The following GALC variants were observed in gnomAD, a reference collection of about 807,000 sequenced individuals.
GALC encodes galactocerebrosidase.
GALC carries 77 observed loss-of-function variants against 91.8 expected under a neutral mutation model. The ratio of observed to expected loss-of-function variants is 0.84; its 90% CI spans 0.70 to 1.01. GALC has a LOEUF of 1.01. Among genes scored for constraint, GALC ranks in the 50% least tolerant of loss-of-function variants. The pLI is 0.00. For synonymous variants in GALC, 357 were observed against 306.7 expected (o/e 1.16, Z -1.71); for missense variants, 882 against 855.9 (o/e 1.03, Z -0.38).
At chr14:87,935,732 C>T (rs1296691697) in intron 16 of GALC, among the ~76,000 whole-genome samples, 2 of 152,046 alleles carry the variant, frequency 1.3e-5, no homozygotes, top group Non-Finnish European at 2.9e-5. Context: ...GAGCTCAAAA[C>T]TCAAAGCACT....
intron 10 of GALC, among the ~76,000 whole-genome samples, chr14:87,960,236 T>C (rs992593235): frequency 6.7e-6 from 1 of 148,980 alleles, no homozygotes; most frequent in Non-Finnish European, 1.5e-5. Context: ...AGTAGAACAG[T>C]GGTTACCAGA....
At chr14:87,993,525 G>T, upstream of GALC, 1 of 1,501,808 alleles carries the variant, frequency 6.7e-7, no homozygotes, top group Non-Finnish European at 9.0e-7. Context: ...CCTCGTGCGA[G>T]GACCAGGCTT....
chr14:87,953,792 CTG>C, intron 10 of GALC: 1 of 1,606,064 alleles, frequency 6.2e-7, no homozygotes, highest in Non-Finnish European at 8.5e-7. Context: ...TAATAAAAAA[CTG>C]TGATTCTAAA....
chr14:87,984,709 G>T lies in GALC; in HGVS notation c.443-176C>A, dbSNP rs546923991. ...TTATTGAAATCCTTTCCAATCTATA[G>T]ACACTATAATTCCTTATTGATCCCT... On this transcript the variant is annotated intron_variant, in intron 4 of 16. Transcript: ENST00000261304. Among the ~76,000 whole-genome samples, 38 of 152,198 alleles carry T rather than the reference G, an allele frequency of 2.5e-4. No homozygotes were observed. In the South Asian group the frequency reaches 7.7e-3, roughly 31 times the overall value.
intron 15 of GALC, 83 bp from the exon 16 acceptor site, chr14:87,940,064 T>G: frequency 4.8e-6 from 5 of 1,043,912 alleles, no homozygotes; most frequent in South Asian, 1.3e-5. Flanking sequence ...GGTTCTTGAG[T>G]GGCATCTGTA....
chr14:87,965,618 C>T lies in GALC; in HGVS notation c.920G>A (p.Trp307Ter). The T allele has an allele frequency of 6.2e-7, 1 of 1,613,244 alleles. No individual in the cohort carries two copies. Among genetic ancestry groups the T allele is most frequent in the Non-Finnish European group, 8.5e-7 (1 of 1,179,502 alleles). The change falls in exon 9 of 17, where the codon TGG (tryptophan) becomes TAG (stop). Residue 307 changes from tryptophan (W) to a stop codon, truncating the protein, a stop_gained. Coordinates refer to ENST00000261304, the MANE Select transcript of GALC (RefSeq NM_000153.4). LOFTEE classifies it high-confidence loss of function. ...INGYMTSTIAWNLVASYYEQL... is the reference protein window; with the variant it reads ...INGYMTSTIA The stretch of plus-strand genomic sequence containing the variant: ...TTCATAGTAACTAGCCACTAAATTC[C>T]ATGCGATTGTGCTAAAAGATTTGAT...
intron 7 of GALC, among the ~76,000 whole-genome samples, chr14:87,974,900 A>C (rs1886433448): frequency 6.6e-6 from 1 of 152,104 alleles, no homozygotes; most frequent in African/African-American, 2.4e-5. Context: ...TAAAAAATGA[A>C]GTACATATCC....
At chr14:87,954,469 A>G (rs1180475127) in intron 10 of GALC, 3 of 1,584,098 alleles carry the variant, frequency 1.9e-6, no homozygotes, top group African/African-American at 2.7e-5. Flanking sequence ...GGGAATTTAA[A>G]TATCTTTTTG....
At chr14:87,951,932 C>G (rs918929997) in intron 10 of GALC, among the ~76,000 whole-genome samples, 53 of 151,732 alleles carry the variant, frequency 3.5e-4, no homozygotes, top group African/African-American at 1.3e-3. Flanking sequence ...AAAATAGGAG[C>G]AAATTTTAAA....
At chr14:87,936,385 A>G (rs1436098755) in intron 16 of GALC, among the ~76,000 whole-genome samples, 1 of 151,970 alleles carries the variant, frequency 6.6e-6, no homozygotes, top group Non-Finnish European at 1.5e-5. Flanking sequence ...AATAAATAAA[A>G]TCTTACTGAA....
At position 87,936,920 on chromosome 14, in the gene GALC, A is replaced by T. The variant is rs1320373124; in HGVS notation, c.1912-2042T>A. ...ACTATATATATATATATATTTATTTATTTTCTCATTGAATCTTCATAAGAA... is the reference window on the plus strand; with the variant it reads ...ACTATATATATATATATATTTATTTTTTTTCTCATTGAATCTTCATAAGAA... On this transcript the variant is annotated intron_variant, in intron 16 of 16. Transcript: ENST00000261304. Among the ~76,000 whole-genome samples, 343 of 141,300 alleles carry T rather than the reference A, an allele frequency of 2.4e-3. 5 individuals carry two copies. The highest frequency in any genetic ancestry group is 8.8e-3 in the African/African-American group (324 of 37,000). 92.7% of individuals were successfully genotyped at this position (141,300 alleles called of 152,430 possible). A position where few individuals can be genotyped will look rare whatever the true frequency, so the allele number is the denominator to read the frequency against.
intron 10 of GALC, among the ~76,000 whole-genome samples, chr14:87,951,056 T>C (rs997692673): frequency 2.0e-5 from 3 of 151,826 alleles, no homozygotes; most frequent in Non-Finnish European, 2.9e-5. Context: ...CCAACTAAAA[T>C]ACATCAAATA....
intron 1 of GALC, among the ~76,000 whole-genome samples, chr14:87,988,903 A>G (rs1490271486): frequency 6.6e-6 from 1 of 152,208 alleles, no homozygotes; most frequent in Non-Finnish European, 1.5e-5. Context: ...TCTTCCGGAA[A>G]AACATCACAA....
At position 87,934,299 on chromosome 14, in the gene GALC, T is replaced by A; in HGVS notation, c.*433A>T. 1 of 1,290,418 alleles carries A rather than the reference T, an allele frequency of 7.7e-7. No individual in the cohort carries two copies. The highest frequency in any genetic ancestry group is 1.8e-5 in the South Asian group (1 of 55,886). The allele number at this position is 1,290,418 out of a possible 1,614,324, so 79.9% of individuals were successfully genotyped here. A position where few individuals can be genotyped will look rare whatever the true frequency, so the allele number is the denominator to read the frequency against. On this transcript the variant is annotated 3_prime_UTR_variant, in exon 17 of 17. Transcript: ENST00000261304. ...TCTTCAGCTTTCTATTATGGCAGCA[T>A]CATCTTGTGATGAAGACACTGGCTC...
intron 6 of GALC, among the ~76,000 whole-genome samples, chr14:87,978,409 G>A (rs1406760009): frequency 4.6e-5 from 7 of 152,266 alleles, no homozygotes; most frequent in East Asian, 1.9e-4. Flanking sequence ...TTTCACTACG[G>A]ATGGATCTAG....
chr14:87,965,591 T>C lies in GALC; in HGVS notation c.947A>G (p.Gln316Arg). 1.2e-6 allele frequency: 2 copies of C among 1,613,510 alleles called. No homozygotes were observed. Among genetic ancestry groups the C allele is most frequent in the East Asian group, 2.2e-5 (1 of 44,870 alleles). ...CAACCCGCATCTCCCATAAGGCAAC[T>C]GTTCATAGTAACTAGCCACTAAATT... ...AWNLVASYYE[Q>R]LPYGRCGLMT... The change falls in exon 9 of 17, where the codon CAG becomes CGG. Residue 316 changes from glutamine to arginine, a missense_variant. Gln to Arg is a conservative substitution (Grantham distance 43). Coordinates refer to ENST00000261304, the MANE Select transcript of GALC (RefSeq NM_000153.4).
At chr14:87,962,028 A>G (rs1885827350) in intron 10 of GALC, among the ~76,000 whole-genome samples, 1 of 151,942 alleles carries the variant, frequency 6.6e-6, no homozygotes, top group African/African-American at 2.4e-5. Flanking sequence ...TTGCTTTCCT[A>G]TTTGTCTCAT....
At chr14:87,993,482 A>G (rs556647825), upstream of GALC, 3,788 of 1,535,554 alleles carry the variant, frequency 2.5e-3, 4 homozygotes, top group Non-Finnish European at 2.8e-3. Context: ...TGGCCCTACC[A>G]TGGCTCTTCC....
Position 87,986,533 on chromosome 14 carries a change from A to G in GALC, c.398T>C (p.Leu133Ser). The change falls in exon 4 of 17, where the codon TTG becomes TCG. Residue 133 changes from leucine (L) to serine (S), a missense_variant. Leu to Ser is a moderately radical substitution (Grantham distance 145). Transcript: ENST00000261304. ...ATTCCTCTTCTTAGCTTCTTTCATC[A>G]ACCACCACTCGTATCCTCGGAAATA... ...ENYFRGYEWWLMKEAKKRNPN... is the reference protein window; with the variant it reads ...ENYFRGYEWWSMKEAKKRNPN... 6.2e-7 allele frequency: 1 copy of G among 1,613,626 alleles called. No individual in the cohort carries two copies. Among genetic ancestry groups the G allele is most frequent in the South Asian group, 1.1e-5 (1 of 91,060 alleles).
Sources: allele counts gnomAD v4.1 joint callset (sites outside exome capture counted in the v4.1 genomes callset), GRCh38; gene constraint gnomAD v4.1.1; transcripts MANE v1.5; gene names NCBI Gene and HGNC (gene_info 2026-07-23, HGNC 2026-07-21).